Variants in NKAIN3 observed in about 807,000 individuals in gnomAD.
NKAIN3 encodes sodium/potassium transporting ATPase interacting 3.
Under a neutral mutation model 30.2 loss-of-function variants are expected in NKAIN3, and 25 were observed. The ratio of observed to expected loss-of-function variants is 0.83; its 90% CI spans 0.60 to 1.16. The LOEUF is 1.16. NKAIN3 is among the 50% of genes most tolerant of loss of function. The pLI is 0.00. For synonymous variants in NKAIN3, 91 were observed against 89.6 expected, an observed-to-expected ratio of 1.02 and a Z score of -0.09; for missense variants, 225 against 254.1, an observed-to-expected ratio of 0.89 and a Z score of 0.78.
chr8:62,913,819 G>A (rs1327515101), intron 4 of NKAIN3, among the ~76,000 whole-genome samples: 1 of 152,132 alleles, frequency 6.6e-6, no homozygotes, highest in Non-Finnish European at 1.5e-5. Context: ...AATACCCCCA[G>A]AATTTGAAAT....
chr8:62,479,060 C>G (rs1037840865), intron 1 of NKAIN3, among the ~76,000 whole-genome samples: 1 of 152,142 alleles, frequency 6.6e-6, no homozygotes, highest in Admixed American at 6.5e-5. Flanking sequence ...CACTGTGTGT[C>G]TAGTGTCGCC....
At position 62,581,989 on chromosome 8, in the gene NKAIN3, C is replaced by A. The variant is rs188022523; in HGVS notation, c.192+2313C>A. Among the ~76,000 whole-genome samples the A allele has an allele frequency of 5.7e-3, 774 of 135,206 alleles. 133 individuals carry two copies. The highest frequency in any genetic ancestry group is 0.022 in the African/African-American group (656 of 30,154). The allele number at this position is 135,206 out of a possible 152,430, so 88.7% of individuals were successfully genotyped here. A position where few individuals can be genotyped will look rare whatever the true frequency, so the allele number is the denominator to read the frequency against. ...CCTTCTATCCTTCCTCCCTCCCTTC[C>A]TTCTTTCCTTCCTTCCCTCTTTCCT... On this transcript the variant is annotated intron_variant, in intron 2 of 6. Coordinates refer to ENST00000623646, the MANE Select transcript of NKAIN3 (RefSeq NM_001304533.3).
chr8:62,297,766 G>A (rs1304646482), intron 1 of NKAIN3, among the ~76,000 whole-genome samples: 10 of 152,268 alleles, frequency 6.6e-5, no homozygotes, highest in East Asian at 5.8e-4. Flanking sequence ...TCAGTGTGGC[G>A]ATTCCTCAGG....
intron 1 of NKAIN3, among the ~76,000 whole-genome samples, chr8:62,354,452 C>CT (rs1376134521): frequency 2.0e-5 from 3 of 152,000 alleles, no homozygotes; most frequent in African/African-American, 7.2e-5. Context: ...TTCTTTCTTT[C>CT]TTTTTTCTTT....
chr8:62,426,779 T>A (rs913049780), intron 1 of NKAIN3, among the ~76,000 whole-genome samples: 13 of 152,042 alleles, frequency 8.6e-5, no homozygotes, highest in African/African-American at 3.1e-4. Context: ...TTTCCTTTTT[T>A]TTCCCCCAGT....
chr8:62,343,791 A>G (rs1001293083), intron 1 of NKAIN3, among the ~76,000 whole-genome samples: 1 of 152,008 alleles, frequency 6.6e-6, no homozygotes, highest in African/African-American at 2.4e-5. Context: ...AGGATGCATG[A>G]CAGATCAAGT....
intron 1 of NKAIN3, among the ~76,000 whole-genome samples, chr8:62,395,503 A>G (rs1001492374): frequency 1.3e-5 from 2 of 152,234 alleles, no homozygotes; most frequent in Non-Finnish European, 2.9e-5. Flanking sequence ...GAATCGTCCC[A>G]TTGTACAGAT....
At chr8:62,520,700 T>A (rs932854302) in intron 1 of NKAIN3, among the ~76,000 whole-genome samples, 1 of 152,064 alleles carries the variant, frequency 6.6e-6, no homozygotes, top group African/African-American at 2.4e-5. Context: ...TGAAGTTTGG[T>A]TTCTCAGTCA....
At chr8:62,729,043 A>AAAAAAAAAAAAAAAC (rs1815378896) in intron 3 of NKAIN3, among the ~76,000 whole-genome samples, 14 of 128,652 alleles carry the variant, frequency 1.1e-4, no homozygotes, top group African/African-American at 1.6e-4. Context: ...AAAAAAACAA[A>AAAAAAAAAAAAAAAC]AAAAAAAAAC....
chr8:62,592,963 A>G (rs1381756596), intron 3 of NKAIN3, among the ~76,000 whole-genome samples: 1 of 152,002 alleles, frequency 6.6e-6, no homozygotes, highest in Non-Finnish European at 1.5e-5. Context: ...AACTGGCAAT[A>G]TTAAAGGGGG....
In NKAIN3 at chr8:62,853,684, G is replaced by A. The variant is rs147568690; in HGVS notation, c.472-64769G>A. Reference sequence around the variant, plus strand: ...CTCCTGGATTTGTTGATTTTTGAAGGGTTTTTCATGTCTCTGTCTCCTTCA... The same window carrying A: ...CTCCTGGATTTGTTGATTTTTGAAGAGTTTTTCATGTCTCTGTCTCCTTCA... On this transcript the variant is annotated intron_variant, in intron 4 of 6. Coordinates refer to ENST00000623646, the MANE Select transcript of NKAIN3 (RefSeq NM_001304533.3). 7.8e-4 allele frequency among the ~76,000 whole-genome samples: 118 copies of A among 152,062 alleles called. No homozygotes were observed. In the East Asian group the frequency reaches 0.014, roughly 18 times the overall value.
intron 4 of NKAIN3, among the ~76,000 whole-genome samples, chr8:62,907,113 A>G (rs555526470): frequency 3.7e-4 from 56 of 152,310 alleles, no homozygotes; most frequent in Non-Finnish European, 5.3e-4. Flanking sequence ...CTTGTTGGAA[A>G]GTAAAATAAA....
chr8:62,851,607 T>A (rs1819900489), intron 4 of NKAIN3, among the ~76,000 whole-genome samples: 1 of 152,302 alleles, frequency 6.6e-6, no homozygotes, highest in South Asian at 2.1e-4. Context: ...CATAGATAGC[T>A]CTTATTATTT....
chr8:62,442,454 T>C (rs1448346577), intron 1 of NKAIN3, among the ~76,000 whole-genome samples: 1 of 152,020 alleles, frequency 6.6e-6, no homozygotes, highest in African/African-American at 2.4e-5. Flanking sequence ...CTATAATATA[T>C]TTATTTGGTC....
At chr8:62,651,547 G>T (rs933344085) in intron 3 of NKAIN3, among the ~76,000 whole-genome samples, 24 of 152,192 alleles carry the variant, frequency 1.6e-4, no homozygotes, top group African/African-American at 5.8e-4. Flanking sequence ...TTAGAGGCTT[G>T]CAAGTCCCAG....
intron 4 of NKAIN3, among the ~76,000 whole-genome samples, chr8:62,793,721 A>G (rs1817766767): frequency 6.6e-6 from 1 of 152,192 alleles, no homozygotes. Context: ...TTGGCATAAA[A>G]GCCTCTGAGT....
At chr8:62,866,912 G>T (rs181196560) in intron 4 of NKAIN3, among the ~76,000 whole-genome samples, 2 of 99,182 alleles carry the variant, frequency 2.0e-5, no homozygotes, top group Non-Finnish European at 4.5e-5. Flanking sequence ...AAAATTGGCC[G>T]GGCTTGGTGG....
At chr8:62,723,873 TAAGAG>T (rs1815173930) in intron 3 of NKAIN3, among the ~76,000 whole-genome samples, 2 of 152,124 alleles carry the variant, frequency 1.3e-5, no homozygotes, top group African/African-American at 2.4e-5. Context: ...TAATCACAGA[TAAGAG>T]AAGAAGAGCA....
chr8:62,362,042 G>C (rs565799195), intron 1 of NKAIN3, among the ~76,000 whole-genome samples: 7 of 152,230 alleles, frequency 4.6e-5, no homozygotes, highest in Non-Finnish European at 1.0e-4. Context: ...TAGCTTACTG[G>C]TCTTACTGGA....
Sources: gnomAD v4.1 joint callset for allele counts (sites outside exome capture counted in the v4.1 genomes callset) on GRCh38, gnomAD v4.1.1 for gene constraint, MANE v1.5 for transcripts, NCBI Gene and HGNC (gene_info 2026-07-23, HGNC 2026-07-21) for gene names.